CCDC190: variants seen among roughly 807,000 people sequenced by gnomAD.
The protein encoded by CCDC190 is coiled-coil domain-containing protein 190.
CCDC190 carries 10 observed loss-of-function variants against 13.1 expected under a neutral mutation model. That is an observed-to-expected ratio of 0.77 (90% CI 0.47 to 1.30). The LOEUF (loss-of-function observed/expected upper bound fraction) is 1.30. Ranked by LOEUF, CCDC190 falls within the 50% of genes most tolerant of loss-of-function variation. CCDC190 has a pLI of 0.00. For synonymous variants in CCDC190, 136 were observed against 127.2 expected (o/e 1.07, Z -0.47); for missense variants, 375 against 354.3 (o/e 1.06, Z -0.47).
At chr1:162,857,964 T>C (rs1650362649) in intron 2 of CCDC190, among the ~76,000 whole-genome samples, 1 of 152,222 alleles carries the variant, frequency 6.6e-6, no homozygotes, top group African/African-American at 2.4e-5. Context: ...GCCTAATTTC[T>C]AACCTGCTGA....
chr1:162,857,425 G>C (rs1414968746), intron 2 of CCDC190, among the ~76,000 whole-genome samples: 1 of 152,180 alleles, frequency 6.6e-6, no homozygotes. Context: ...TTCATGATTG[G>C]ATTGGATTGG....
At chr1:162,855,590 G>A (rs772131375) in intron 3 of CCDC190, 42 bp downstream of exon 3, 2 of 1,606,116 alleles carry the variant, frequency 1.2e-6, no homozygotes, top group African/African-American at 1.3e-5. Flanking sequence ...TGGGAAGAGA[G>A]ACTTAATGTC....
At chr1:162,861,735 G>A (rs563485975), upstream of CCDC190, among the ~76,000 whole-genome samples, 14 of 152,280 alleles carry the variant, frequency 9.2e-5, no homozygotes, top group East Asian at 5.8e-4. Context: ...AACAGCTACC[G>A]TAGAAGGTTG....
chr1:162,868,084 A>T (rs1466001594), intron 1 of CCDC190, among the ~76,000 whole-genome samples: 1 of 152,222 alleles, frequency 6.6e-6, no homozygotes, highest in African/African-American at 2.4e-5. Flanking sequence ...GTTGATTTTA[A>T]AAAAAACTTA....
At chr1:162,858,246 A>G (rs1650377447) in intron 2 of CCDC190, among the ~76,000 whole-genome samples, 2 of 152,176 alleles carry the variant, frequency 1.3e-5, no homozygotes, top group African/African-American at 4.8e-5. Context: ...ACTCTTTCCA[A>G]CCCAACTCTT....
chr1:162,855,294 T>C lies in CCDC190; in HGVS notation c.377A>G (p.Asp126Gly). 6.2e-7 allele frequency: 1 copy of C among 1,613,700 alleles called. No individual in the cohort carries two copies. Among genetic ancestry groups the C allele is most frequent in the Non-Finnish European group, 8.5e-7 (1 of 1,179,868 alleles). The change falls in exon 4 of 4, where the codon GAT becomes GGT. Residue 126 changes from aspartate to glycine, a missense_variant. Coordinates refer to ENST00000367912, the MANE Select transcript of CCDC190 (RefSeq NM_001394065.1). Reference sequence around the variant, plus strand: ...CTTCATGGGGTCTTTGAGGCCAGCATCATGTGAAGGAGGCACCTGGGACTT... The same window carrying C: ...CTTCATGGGGTCTTTGAGGCCAGCACCATGTGAAGGAGGCACCTGGGACTT... ...KSKSQVPPSHDAGLKDPMKSK... is the reference protein window; with the variant it reads ...KSKSQVPPSHGAGLKDPMKSK...
chr1:162,859,458 A>G lies in CCDC190; in HGVS notation c.187+2T>C. 2 of 1,612,350 alleles carry G rather than the reference A, an allele frequency of 1.2e-6. No homozygotes were observed. The highest frequency in any genetic ancestry group is 1.7e-5 in the Admixed American group (1 of 59,882). On this transcript the variant is annotated splice_donor_variant, in intron 2 of 3. Coordinates refer to ENST00000367912, the MANE Select transcript of CCDC190 (RefSeq NM_001394065.1). LOFTEE classifies it high-confidence loss of function. ...CCTCCTCACCAGTCCTGAAAGTCTT[A>G]CCTTGCTGCAACCTCTGCAGTTCTT...
At chr1:162,867,352 T>G in intron 1 of CCDC190, among the ~76,000 whole-genome samples, 1 of 152,184 alleles carries the variant, frequency 6.6e-6, no homozygotes, top group African/African-American at 2.4e-5. Flanking sequence ...TACATTTAAT[T>G]TAATTAGTCA....
At chr1:162,862,041 G>A (rs965543355), upstream of CCDC190, among the ~76,000 whole-genome samples, 7 of 151,972 alleles carry the variant, frequency 4.6e-5, no homozygotes, top group Admixed American at 3.3e-4. Context: ...TTTCTCATGA[G>A]GTAATTCCCT....
chr1:162,858,620 T>TG (rs1459765547), intron 2 of CCDC190, among the ~76,000 whole-genome samples: 58 of 152,374 alleles, frequency 3.8e-4, no homozygotes, highest in African/African-American at 1.4e-3. Flanking sequence ...CTCTTGAACA[T>TG]GTTCTGTCCA....
chr1:162,865,548 TC>T (rs1650670764), upstream of CCDC190, among the ~76,000 whole-genome samples: 2 of 152,164 alleles, frequency 1.3e-5, no homozygotes, highest in Non-Finnish European at 2.9e-5. Context: ...CTGTTTCGTG[TC>T]GCTATAATGA....
At chr1:162,867,193 C>CA (rs1311326084) in intron 1 of CCDC190, among the ~76,000 whole-genome samples, 1 of 151,812 alleles carries the variant, frequency 6.6e-6, no homozygotes, top group Non-Finnish European at 1.5e-5. Flanking sequence ...ATTGACAACG[C>CA]AAAAAAACCT....
upstream of CCDC190, among the ~76,000 whole-genome samples, chr1:162,861,448 T>C (rs879225015): frequency 6.8e-6 from 1 of 147,954 alleles, no homozygotes; most frequent in Non-Finnish European, 1.5e-5. Flanking sequence ...TTTTTTTTTT[T>C]TCTCTCTTTG....
At chr1:162,861,599 C>A (rs1310506249), upstream of CCDC190, among the ~76,000 whole-genome samples, 6 of 152,194 alleles carry the variant, frequency 3.9e-5, no homozygotes. Flanking sequence ...TTATTGCACA[C>A]CGTACTGACC....
At position 162,855,147 on chromosome 1, in the gene CCDC190, G is replaced by C. The variant is rs1650253543; in HGVS notation, c.524C>G (p.Ser175Cys). ...AACCTCTTGATTTTGGCATGGAACA[G>C]AGATGCCCTTGCTGGGGTCTACGTC... ...SKDVDPSKGI[S>C]VPCQNQEVST... is the part of the protein sequence containing the mutation. The change falls in exon 4 of 4, where the codon TCT (serine) becomes TGT (cysteine). Residue 175 changes from serine to cysteine, a missense_variant. By Grantham distance (112) the Ser-to-Cys change is moderately radical. Transcript: ENST00000367912. 6.2e-6 allele frequency: 10 copies of C among 1,613,872 alleles called. No homozygotes were observed. The highest frequency in any genetic ancestry group is 6.8e-6 in the Non-Finnish European group (8 of 1,179,884).
rs1274998533 is a variant in CCDC190 at position 162,852,062 on chromosome 1, C to T, written c.*2703G>A. 4 of 152,210 alleles carry T rather than the reference C, an allele frequency of 2.6e-5. No homozygotes were observed. Among genetic ancestry groups the T allele is most frequent in the Non-Finnish European group, 5.9e-5 (4 of 68,044 alleles). The allele number at this position is 152,210 out of a possible 1,614,324, so 9.4% of individuals were successfully genotyped here. A position where few individuals can be genotyped will look rare whatever the true frequency, so the allele number is the denominator to read the frequency against. On this transcript the variant is annotated 3_prime_UTR_variant, in exon 4 of 4. Transcript: ENST00000367912. ...AGCAAGTATCTCCCTGATTTTCTGTCTCAGAAGGTTCTGTGAATATTTAAT... is the reference window on the plus strand; with the variant it reads ...AGCAAGTATCTCCCTGATTTTCTGTTTCAGAAGGTTCTGTGAATATTTAAT...
Position 162,853,277 on chromosome 1 carries a change from A to C in CCDC190, c.*1488T>G. On this transcript the variant is annotated 3_prime_UTR_variant, in exon 4 of 4. Transcript: ENST00000367912. The stretch of plus-strand genomic sequence containing the variant: ...TTGAGTAGAAGAGAGATCAAATGCT[A>C]GTCTGCCATCTATTAGCAAGTTACC... 1.4e-6 allele frequency: 1 copy of C among 715,198 alleles called. No individual in the cohort carries two copies. The allele number at this position is 715,198 out of a possible 1,614,324, so 44.3% of individuals were successfully genotyped here.
At chr1:162,856,705 C>T (rs1650314450) in intron 2 of CCDC190, among the ~76,000 whole-genome samples, 1 of 152,194 alleles carries the variant, frequency 6.6e-6, no homozygotes, top group Non-Finnish European at 1.5e-5. Context: ...TTAGTAGGCA[C>T]TAAGCAGAGG....
intron 1 of CCDC190, among the ~76,000 whole-genome samples, chr1:162,860,293 C>T (rs561646201): frequency 5.3e-5 from 8 of 152,250 alleles, no homozygotes; most frequent in South Asian, 2.1e-4. Flanking sequence ...ACAGCATCCA[C>T]GATGAGTAGT....
Sources: gnomAD v4.1 joint callset for allele counts (sites outside exome capture counted in the v4.1 genomes callset) on GRCh38, gnomAD v4.1.1 for gene constraint, MANE v1.5 for transcripts, NCBI Gene and HGNC (gene_info 2026-07-23, HGNC 2026-07-21) for gene names.